Variants in ZSWIM5 observed in about 807,000 individuals in gnomAD.
ZSWIM5 encodes the protein zinc finger SWIM domain-containing protein 5.
A neutral mutation model predicts 119.6 loss-of-function variants in ZSWIM5; 55 were observed. The observed-to-expected ratio is 0.46, with a 90% CI of 0.37 to 0.58. ZSWIM5 has a LOEUF of 0.58. Ranked by LOEUF, ZSWIM5 falls within the 20% of genes least tolerant of loss-of-function variation. The pLI, the probability that ZSWIM5 is intolerant of heterozygous loss-of-function variation, is 0.00. For synonymous variants in ZSWIM5, 537 were observed against 606.9 expected, an observed-to-expected ratio of 0.88 and a Z score of 1.69; for missense variants, 1,193 against 1,512.8, an observed-to-expected ratio of 0.79 and a Z score of 3.51.
chr1:45,196,153 G>C (rs1436723893), intron 1 of ZSWIM5, among the ~76,000 whole-genome samples: 1 of 149,692 alleles, frequency 6.7e-6, no homozygotes, highest in Non-Finnish European at 1.5e-5. Flanking sequence ...GGGATTTCAG[G>C]TGTGAGCCAC....
intron 1 of ZSWIM5, among the ~76,000 whole-genome samples, chr1:45,195,439 C>T (rs975083251): frequency 2.2e-4 from 33 of 152,036 alleles, no homozygotes; most frequent in Non-Finnish European, 4.1e-4. Context: ...CCCTATGTTG[C>T]CCAGGCTGTT....
chr1:45,186,072 T>C (rs1011846710), intron 1 of ZSWIM5, among the ~76,000 whole-genome samples: 3 of 151,450 alleles, frequency 2.0e-5, no homozygotes, highest in Non-Finnish European at 4.4e-5. Flanking sequence ...TATGCAGCCA[T>C]AAAAAATGAT....
chr1:45,082,404 C>T (rs1240664722), intron 2 of ZSWIM5, among the ~76,000 whole-genome samples: 1 of 151,882 alleles, frequency 6.6e-6, no homozygotes, highest in African/African-American at 2.4e-5. Flanking sequence ...TATCTTCCTC[C>T]TAAATTCATT....
rs78735654 is a variant in ZSWIM5, at chr1:45,198,574, C to A, written c.595+7182G>T. 7.0e-3 allele frequency among the ~76,000 whole-genome samples: 1,018 copies of A among 146,266 alleles called. 10 individuals are homozygous for A. The highest frequency in any genetic ancestry group is 0.024 in the African/African-American group (909 of 37,314). On this transcript the variant is annotated intron_variant, in intron 1 of 13. Coordinates refer to ENST00000359600, the MANE Select transcript of ZSWIM5 (RefSeq NM_020883.2). ...AAGCTTTACCAGAGTTTTTCTCCAC[C>A]ACAACAATGTTCCTGCTCATTCCTC...
At chr1:45,045,314 T>C (rs1436757684) in intron 5 of ZSWIM5, among the ~76,000 whole-genome samples, 1 of 152,114 alleles carries the variant, frequency 6.6e-6, no homozygotes, top group Non-Finnish European at 1.5e-5. Flanking sequence ...AGAACTGAAG[T>C]ATTATACTGT....
chr1:45,083,554 C>T (rs1183710367), intron 2 of ZSWIM5, among the ~76,000 whole-genome samples: 6 of 152,172 alleles, frequency 3.9e-5, no homozygotes, highest in African/African-American at 1.4e-4. Context: ...CCAGCTCTGA[C>T]TGTTCTTTCT....
chr1:45,075,568 A>G (rs1003773516), intron 2 of ZSWIM5, among the ~76,000 whole-genome samples: 1 of 152,110 alleles, frequency 6.6e-6, no homozygotes, highest in African/African-American at 2.4e-5. Context: ...ACCTTTTTCA[A>G]TCCCTTAATT....
intron 1 of ZSWIM5, among the ~76,000 whole-genome samples, chr1:45,125,697 C>G (rs1467190012): frequency 6.6e-6 from 1 of 150,580 alleles, no homozygotes; most frequent in Non-Finnish European, 1.5e-5. Context: ...TCTCTTAATC[C>G]TGGGAGGCGG....
chr1:45,125,440 A>C (rs2149028778), intron 1 of ZSWIM5, among the ~76,000 whole-genome samples: 1 of 152,244 alleles, frequency 6.6e-6, no homozygotes, highest in African/African-American at 2.4e-5. Context: ...ATGCAGGTAG[A>C]GCAATGCTGA....
intron 1 of ZSWIM5, among the ~76,000 whole-genome samples, chr1:45,157,818 C>T (rs908224782): frequency 6.6e-6 from 1 of 152,132 alleles, no homozygotes; most frequent in Admixed American, 6.5e-5. Flanking sequence ...CTTCTGAATG[C>T]TCTATGTCTT....
At chr1:45,051,639 T>C (rs540908005) in intron 4 of ZSWIM5, among the ~76,000 whole-genome samples, 3 of 152,302 alleles carry the variant, frequency 2.0e-5, no homozygotes, top group South Asian at 4.1e-4. Context: ...CATAATTCCA[T>C]TTGAATATGA....
chr1:45,185,999 C>T (rs1316965099), intron 1 of ZSWIM5, among the ~76,000 whole-genome samples: 2 of 151,986 alleles, frequency 1.3e-5, no homozygotes, highest in African/African-American at 2.4e-5. Context: ...TTGGAACCAA[C>T]CCAAATGTCC....
At chr1:45,070,050 C>A (rs1439033667) in intron 2 of ZSWIM5, 11 of 840,306 alleles carry the variant, frequency 1.3e-5, no homozygotes, top group Non-Finnish European at 2.3e-5. Context: ...CAATAAGACA[C>A]ACACGAATCC....
rs1646192031 is a variant in ZSWIM5, at chr1:45,206,386, G to A, written c.-36C>T. ...TGACTGACTGACTGAGGCGGCGGCG[G>A]CTGCTCGGGCTGCGGCGGAGACCCT... On this transcript the variant is annotated 5_prime_UTR_variant, in exon 1 of 14. Coordinates refer to ENST00000359600, the MANE Select transcript of ZSWIM5 (RefSeq NM_020883.2). The A allele has an allele frequency of 1.6e-5, 21 of 1,353,578 alleles. No individual in the cohort carries two copies. Among genetic ancestry groups the A allele is most frequent in the Admixed American group, 3.7e-5 (1 of 26,804 alleles). The allele number at this position is 1,353,578 out of a possible 1,614,324, so 83.8% of individuals were successfully genotyped here. A position where few individuals can be genotyped will look rare whatever the true frequency, so the allele number is the denominator to read the frequency against.
Position 45,019,381 on chromosome 1 carries a change from C to A in ZSWIM5, c.2696-65G>T. The A allele has an allele frequency of 6.5e-7, 1 of 1,539,308 alleles. No homozygotes were observed. On this transcript the variant is annotated intron_variant, in intron 13 of 13. Coordinates refer to ENST00000359600, the MANE Select transcript of ZSWIM5 (RefSeq NM_020883.2). The surrounding 1 kb of genome is among the most constrained non-coding windows in gnomAD (Gnocchi z 5.0). Reference sequence around the variant, plus strand: ...TCCTGATTCAGGTCTACCCAGATTACCATTTGGGGTTTGAACTTGGCCTGC... The same window carrying A: ...TCCTGATTCAGGTCTACCCAGATTAACATTTGGGGTTTGAACTTGGCCTGC...
At chr1:45,197,776 G>A (rs1646134932) in intron 1 of ZSWIM5, among the ~76,000 whole-genome samples, 1 of 152,140 alleles carries the variant, frequency 6.6e-6, no homozygotes. Context: ...CTAGTTTAAG[G>A]CACTAAAAAG....
At chr1:45,195,676 C>G (rs1248750831) in intron 1 of ZSWIM5, among the ~76,000 whole-genome samples, 3 of 151,996 alleles carry the variant, frequency 2.0e-5, no homozygotes, top group African/African-American at 7.3e-5. Flanking sequence ...CTCCAAAATA[C>G]AGAGAGACAT....
intron 2 of ZSWIM5, among the ~76,000 whole-genome samples, chr1:45,085,356 G>C (rs1224796957): frequency 6.6e-6 from 1 of 152,142 alleles, no homozygotes; most frequent in Non-Finnish European, 1.5e-5. Context: ...ATGCTTTTGA[G>C]ACATTTTCCT....
At chr1:45,074,106 T>C (rs998659206) in intron 2 of ZSWIM5, among the ~76,000 whole-genome samples, 9 of 152,036 alleles carry the variant, frequency 5.9e-5, no homozygotes, top group African/African-American at 2.2e-4. Context: ...TAAATGATCT[T>C]TTTAATGTAT....
Sources: allele counts gnomAD v4.1 joint callset (sites outside exome capture counted in the v4.1 genomes callset), GRCh38; gene constraint gnomAD v4.1.1; non-coding constraint Gnocchi (gnomAD v3.1); transcripts MANE v1.5; gene names NCBI Gene and HGNC (gene_info 2026-07-23, HGNC 2026-07-21).